PKP4: variants seen among roughly 807,000 people sequenced by gnomAD.
The protein encoded by PKP4 is plakophilin-4.
In PKP4, 90 loss-of-function variants were observed where a neutral mutation model predicts 145.1. That is an observed-to-expected ratio of 0.62 (90% CI 0.52 to 0.74). The LOEUF (loss-of-function observed/expected upper bound fraction) is 0.74, where lower values mean the gene tolerates loss of function less well. PKP4 is among the 30% of genes least tolerant of loss of function. The pLI is 0.00. For synonymous variants in PKP4, 563 were observed against 577.2 expected (o/e 0.98, Z 0.35); for missense variants, 1,340 against 1,482.7 (o/e 0.90, Z 1.58).
At chr2:158,524,238 C>T (rs367602071) in intron 1 of PKP4, among the ~76,000 whole-genome samples, 2 of 125,490 alleles carry the variant, frequency 1.6e-5, no homozygotes, top group African/African-American at 6.7e-5. Context: ...GAGAGAAAGG[C>T]CGGGTTACCC....
chr2:158,499,724 C>T (rs1188396516), intron 1 of PKP4, among the ~76,000 whole-genome samples: 5 of 151,990 alleles, frequency 3.3e-5, no homozygotes, highest in South Asian at 2.1e-4. Context: ...TTCATTCACT[C>T]GGTTAGAAAT....
At chr2:158,517,387 T>TG (rs894056490) in intron 1 of PKP4, among the ~76,000 whole-genome samples, 2 of 152,206 alleles carry the variant, frequency 1.3e-5, no homozygotes, top group African/African-American at 4.8e-5. Context: ...TATGCATTCC[T>TG]GTTGAAACTC....
At chr2:158,483,192 C>A (rs1693622662) in intron 1 of PKP4, among the ~76,000 whole-genome samples, 1 of 151,906 alleles carries the variant, frequency 6.6e-6, no homozygotes, top group Non-Finnish European at 1.5e-5. Flanking sequence ...TTTTCTTTTT[C>A]TTTTTTGTTT....
intron 11 of PKP4, 55 bp downstream of exon 11, chr2:158,642,754 G>T (rs779918892): frequency 4.2e-5 from 57 of 1,368,924 alleles, no homozygotes; most frequent in Non-Finnish European, 5.1e-5. Flanking sequence ...AGTCTGGACT[G>T]TGCCCTTGTA....
intron 2 of PKP4, chr2:158,533,551 TG>T: frequency 1.7e-6 from 1 of 597,302 alleles, no homozygotes; most frequent in South Asian, 1.5e-5. Flanking sequence ...ACAATCTCGA[TG>T]GTGATCGGTG....
chr2:158,542,494 G>A (rs1426888198), intron 2 of PKP4, among the ~76,000 whole-genome samples: 1 of 152,132 alleles, frequency 6.6e-6, no homozygotes, highest in Non-Finnish European at 1.5e-5. Flanking sequence ...CTGCACTACA[G>A]AACTGGGCAA....
intron 1 of PKP4, among the ~76,000 whole-genome samples, chr2:158,490,260 C>T (rs956798144): frequency 6.6e-6 from 1 of 150,970 alleles, no homozygotes; most frequent in African/African-American, 2.4e-5. Context: ...TTGAACGTGT[C>T]GATGCAAGAG....
At chr2:158,611,546 G>A (rs923226853) in intron 4 of PKP4, among the ~76,000 whole-genome samples, 1 of 152,148 alleles carries the variant, frequency 6.6e-6, no homozygotes, top group African/African-American at 2.4e-5. Context: ...TCCATCTGGT[G>A]CAAGTAATTT....
intron 4 of PKP4, among the ~76,000 whole-genome samples, chr2:158,604,505 A>G (rs1443144486): frequency 4.6e-5 from 7 of 152,198 alleles, no homozygotes; most frequent in Non-Finnish European, 1.0e-4. Flanking sequence ...AGATAGACCA[A>G]TTGAAAGCTT....
chr2:158,481,562 G>A (rs1693361845), intron 1 of PKP4, among the ~76,000 whole-genome samples: 1 of 152,110 alleles, frequency 6.6e-6, no homozygotes, highest in African/African-American at 2.4e-5. Flanking sequence ...GTTATTGTCT[G>A]TCTTCAATTA....
chr2:158,587,712 T>A (rs897087165), intron 3 of PKP4, among the ~76,000 whole-genome samples: 2 of 151,982 alleles, frequency 1.3e-5, no homozygotes, highest in East Asian at 3.8e-4. Flanking sequence ...AGTACTCACA[T>A]CCTGTAATTA....
chr2:158,548,855 C>A, intron 2 of PKP4: 1 of 205,354 alleles, frequency 4.9e-6, no homozygotes, highest in South Asian at 6.7e-5. Flanking sequence ...TTAACATTGT[C>A]ACCACCTTTG....
intron 3 of PKP4, among the ~76,000 whole-genome samples, chr2:158,590,997 T>C (rs11891131): frequency 0.51 from 78,035 of 151,972 alleles, 20,421 homozygotes; most frequent in South Asian, 0.69. Flanking sequence ...CCTAAAATTA[T>C]TTAAGCATCT....
intron 15 of PKP4, among the ~76,000 whole-genome samples, chr2:158,665,280 G>T (rs774055899): frequency 1.3e-5 from 2 of 152,174 alleles, no homozygotes; most frequent in Non-Finnish European, 2.9e-5. Flanking sequence ...TCATAAAACT[G>T]CCTGAGTGCT....
chr2:158,533,492 G>T (rs754329818), intron 2 of PKP4, 176 bp downstream of exon 2: 1 of 733,080 alleles, frequency 1.4e-6, no homozygotes. Flanking sequence ...CGCTCCAGGT[G>T]CCAGTCAGAA....
intron 3 of PKP4, among the ~76,000 whole-genome samples, chr2:158,597,041 G>A (rs550041448): frequency 5.5e-4 from 84 of 152,272 alleles, no homozygotes; most frequent in African/African-American, 1.9e-3. Context: ...TTTTGTTTGT[G>A]ATAGATATGT....
intron 4 of PKP4, among the ~76,000 whole-genome samples, chr2:158,607,654 G>C (rs1258149085): frequency 6.6e-6 from 1 of 152,116 alleles, no homozygotes; most frequent in African/African-American, 2.4e-5. Context: ...GTTTAAAATA[G>C]AGCCAGAGAA....
Position 158,586,921 on chromosome 2 carries a change from A to G in PKP4, c.245+9538A>G, listed in dbSNP as rs150121925. ...GGACATGTGACCCCAAGGTATTTCA[A>G]CCAGTATTGCAGTAAGCTAACGTAT... On this transcript the variant is annotated intron_variant, in intron 3 of 21. Transcript: ENST00000389759. Among the ~76,000 whole-genome samples the G allele has an allele frequency of 1.7e-3, 255 of 152,376 alleles. 1 individual carries two copies. The highest frequency in any genetic ancestry group is 5.8e-3 in the African/African-American group (240 of 41,584).
At position 158,531,554 on chromosome 2, in the gene PKP4, A is replaced by G. The variant is rs572623950; in HGVS notation, c.-5-1626A>G. On this transcript the variant is annotated intron_variant, in intron 1 of 21. Transcript: ENST00000389759. ...AATGAGCACTTGATACAGAAAGAAGAAATTTTATTTAGTTGATAATATTTT... is the reference window on the plus strand; with the variant it reads ...AATGAGCACTTGATACAGAAAGAAGGAATTTTATTTAGTTGATAATATTTT... 1.1e-4 allele frequency among the ~76,000 whole-genome samples: 16 copies of G among 152,356 alleles called. No homozygotes were observed. The South Asian group carries it at 2.1e-3, about 20-fold the overall frequency.
Sources: allele counts gnomAD v4.1 joint callset (sites outside exome capture counted in the v4.1 genomes callset), GRCh38; gene constraint gnomAD v4.1.1; transcripts MANE v1.5; gene names NCBI Gene and HGNC (gene_info 2026-07-23, HGNC 2026-07-21).